The following DPEP1 variants were observed in gnomAD, a reference collection of about 807,000 sequenced individuals.
The protein encoded by DPEP1 is beta-lactamase.
In DPEP1, 50 loss-of-function variants were observed where a neutral mutation model predicts 42.3. The observed-to-expected ratio is 1.18, with a 90% CI of 0.94 to 1.50. The LOEUF is 1.50. DPEP1 is among the 40% of genes most tolerant of loss of function. The probability of loss-of-function intolerance (pLI) is 0.00; values close to 1 mark genes in which losing one functional copy is unlikely to be tolerated. For synonymous variants in DPEP1, 297 were observed against 234.0 expected (o/e 1.27, Z -2.46); for missense variants, 663 against 553.0 (o/e 1.20, Z -1.99).
At chr16:89,637,024 C>T in intron 6 of DPEP1, 89 bp downstream of exon 6, 3 of 1,557,184 alleles carry the variant, frequency 1.9e-6, no homozygotes, top group Admixed American at 3.6e-5. Flanking sequence ...TCACGTGGGA[C>T]CTCAGTGTCC....
At position 89,638,090 on chromosome 16, in the gene DPEP1, C is replaced by T. The variant is rs1325860673; in HGVS notation, c.1104C>T (p.Ile368=). 1 of 1,612,342 alleles carries T rather than the reference C, an allele frequency of 6.2e-7. No individual in the cohort carries two copies. Among genetic ancestry groups the T allele is most frequent in the African/African-American group, 1.3e-5 (1 of 75,034 alleles). ...NLTQAPEEEP[I]PLDQLGGSCR... The stretch of plus-strand genomic sequence containing the variant: ...CACAGGCTCCCGAGGAGGAGCCCAT[C>T]CCGCTGGACCAGCTGGGTGGCTCCT... The change falls in exon 11 of 11, where the codon ATC becomes ATT. Residue 368 remains isoleucine (I), a synonymous_variant. Coordinates refer to ENST00000690203, the MANE Select transcript of DPEP1 (RefSeq NM_001389466.1).
intron 1 of DPEP1, among the ~76,000 whole-genome samples, chr16:89,618,979 G>C (rs1423782112): frequency 2.5e-4 from 1 of 4,078 alleles, no homozygotes; most frequent in Non-Finnish European, 4.9e-4. Context: ...CTGCCCCCCC[G>C]CTCCCCTCCC....
At chr16:89,624,693 C>A (rs1282519671) in intron 1 of DPEP1, among the ~76,000 whole-genome samples, 2 of 152,050 alleles carry the variant, frequency 1.3e-5, no homozygotes, top group African/African-American at 4.8e-5. Context: ...CGCAACCACG[C>A]CCGGCTAATT....
chr16:89,639,736 A>C (rs561587158), downstream of DPEP1, among the ~76,000 whole-genome samples: 1 of 152,088 alleles, frequency 6.6e-6, no homozygotes, highest in South Asian at 2.1e-4. Context: ...CCCAGGCTGG[A>C]GTGCAGTGGC....
At position 89,630,436 on chromosome 16, in the gene DPEP1, C is replaced by T; in HGVS notation, c.26C>T (p.Pro9Leu). The change falls in exon 2 of 11, where the codon CCC (proline) becomes CTC (leucine). Residue 9 changes from proline to leucine, a missense_variant. Transcript: ENST00000690203. MWSGWWLW[P>L]LVAVCTADFF... Reference sequence around the variant, plus strand: ...ATGTGGAGCGGATGGTGGCTGTGGCCCCTTGTGGCCGTCTGCACTGCAGAC... The same window carrying T: ...ATGTGGAGCGGATGGTGGCTGTGGCTCCTTGTGGCCGTCTGCACTGCAGAC... 2 of 1,611,260 alleles carry T rather than the reference C, an allele frequency of 1.2e-6. No homozygotes were observed. The highest frequency in any genetic ancestry group is 1.1e-5 in the South Asian group (1 of 90,840).
chr16:89,628,974 G>T (rs539025122), intron 1 of DPEP1, among the ~76,000 whole-genome samples: 1 of 151,834 alleles, frequency 6.6e-6, no homozygotes, highest in Admixed American at 6.6e-5. Context: ...CTACAGGTGC[G>T]CACCACCATG....
chr16:89,635,602 C>T (rs1597771403), intron 2 of DPEP1, among the ~76,000 whole-genome samples: 1 of 152,230 alleles, frequency 6.6e-6, no homozygotes, highest in East Asian at 1.9e-4. Flanking sequence ...TGTGTCCCAC[C>T]CTCAGACAAT....
At chr16:89,626,993 G>T (rs563190959) in intron 1 of DPEP1, among the ~76,000 whole-genome samples, 3 of 152,106 alleles carry the variant, frequency 2.0e-5, no homozygotes, top group Admixed American at 2.0e-4. Flanking sequence ...CAGGTATGGT[G>T]GCTCACACCT....
chr16:89,634,049 C>A (rs1449379981), intron 2 of DPEP1, among the ~76,000 whole-genome samples: 2 of 151,860 alleles, frequency 1.3e-5, no homozygotes, highest in African/African-American at 4.8e-5. Context: ...GCCCTGGGCC[C>A]CTTAGAGCTG....
chr16:89,640,662 T>C, downstream of DPEP1: 1 of 981,376 alleles, frequency 1.0e-6, no homozygotes. Context: ...CAGCCTGGCG[T>C]TTTCCGTCTG....
chr16:89,639,844 C>T (rs960430246), downstream of DPEP1, among the ~76,000 whole-genome samples: 1 of 152,168 alleles, frequency 6.6e-6, no homozygotes, highest in African/African-American at 2.4e-5. Flanking sequence ...CGCCACCACA[C>T]CCAGCTAATT....
intron 5 of DPEP1, 53 bp downstream of exon 5, chr16:89,636,736 A>G: frequency 6.2e-7 from 1 of 1,605,478 alleles, no homozygotes; most frequent in African/African-American, 1.3e-5. Context: ...GGGAGGGGGC[A>G]GACACTCCCT....
downstream of DPEP1, among the ~76,000 whole-genome samples, chr16:89,639,044 C>T: frequency 1.2e-5 from 1 of 82,564 alleles, no homozygotes; most frequent in Admixed American, 1.2e-4. Context: ...CCCACCCCTG[C>T]ACGCACACAC....
At chr16:89,636,232 C>T (rs372249076) in intron 3 of DPEP1, 32 bp from the exon 4 acceptor site, 5 of 1,589,440 alleles carry the variant, frequency 3.1e-6, no homozygotes, top group Non-Finnish European at 4.3e-6. Flanking sequence ...GACCTGGCTG[C>T]ATCAGCTCCT....
intron 1 of DPEP1, among the ~76,000 whole-genome samples, chr16:89,617,878 G>A (rs1002053391): frequency 3.3e-5 from 5 of 152,036 alleles, no homozygotes; most frequent in African/African-American, 1.2e-4. Flanking sequence ...ACAAAAATTA[G>A]CTGTGTGTGG....
In DPEP1 at chr16:89,636,630, C is replaced by T; in HGVS notation, c.468C>T (p.Leu156=). ...GCAGTTTGGGCGTCCTGCGGGCACT[C>T]TATCAGCTGGGCATGCGGTACCTGA... ...IDSSLGVLRA[L]YQLGMRYLTL... is the part of the protein sequence containing the mutation. Residue 156 remains leucine (L), a synonymous_variant, in exon 5 of 11, where the codon CTC becomes CTT. Transcript: ENST00000690203. 1 of 1,612,634 alleles carries T rather than the reference C, an allele frequency of 6.2e-7. No homozygotes were observed. Among genetic ancestry groups the T allele is most frequent in the East Asian group, 2.2e-5 (1 of 44,878 alleles).
At chr16:89,627,714 A>G (rs185423) in intron 1 of DPEP1, among the ~76,000 whole-genome samples, 126,430 of 128,158 alleles carry the variant, frequency 0.99, 62,380 homozygotes, top group East Asian at 1. Flanking sequence ...AGGCTGGAGT[A>G]CAGTGTTGCA....
At position 89,637,483 on chromosome 16, in the gene DPEP1, C is replaced by G; in HGVS notation, c.784C>G (p.Leu262Val). The G allele has an allele frequency of 6.2e-7, 1 of 1,612,872 alleles. No homozygotes were observed. The highest frequency in any genetic ancestry group is 8.5e-7 in the Non-Finnish European group (1 of 1,179,994). ...VLRLVKQTDS[L>V]VMVNFYNNYI... Reference sequence around the variant, plus strand: ...TCTTGTGCAGAAACAGACAGACAGCCTGGTGATGGTGAACTTCTACAACAA... The same window carrying G: ...TCTTGTGCAGAAACAGACAGACAGCGTGGTGATGGTGAACTTCTACAACAA... The change falls in exon 8 of 11, where the codon CTG becomes GTG. Residue 262 changes from leucine to valine, a missense_variant. Leu to Val is a conservative substitution (Grantham distance 32, BLOSUM62 1). Coordinates refer to ENST00000690203, the MANE Select transcript of DPEP1 (RefSeq NM_001389466.1).
chr16:89,630,330 G>T lies in DPEP1; in HGVS notation c.-81G>T. ...GCAGAGTGGCTCCTCACAGCCTGAA[G>T]CTCATCCTTCTGCACGGGCCAGCCA... On this transcript the variant is annotated 5_prime_UTR_variant, in exon 2 of 11. Coordinates refer to ENST00000690203, the MANE Select transcript of DPEP1 (RefSeq NM_001389466.1). 8.4e-7 allele frequency: 1 copy of T among 1,188,358 alleles called. No individual in the cohort carries two copies. The highest frequency in any genetic ancestry group is 1.2e-6 in the Non-Finnish European group (1 of 821,894). The allele number at this position is 1,188,358 out of a possible 1,614,324, so 73.6% of individuals were successfully genotyped here. A position where few individuals can be genotyped will look rare whatever the true frequency, so the allele number is the denominator to read the frequency against.
Sources: gnomAD v4.1 joint callset for allele counts (sites outside exome capture counted in the v4.1 genomes callset) on GRCh38, gnomAD v4.1.1 for gene constraint, MANE v1.5 for transcripts, NCBI Gene and HGNC (gene_info 2026-07-23, HGNC 2026-07-21) for gene names.